A2ML1: variants seen among roughly 807,000 people sequenced by gnomAD.
A2ML1 encodes alpha-2-macroglobulin like 1.
In A2ML1, 161 loss-of-function variants were observed where a neutral mutation model predicts 181.9. The ratio of observed to expected loss-of-function variants is 0.89; its 90% CI spans 0.78 to 1.01. The LOEUF is 1.01. A2ML1 is among the 50% of genes least tolerant of loss of function. A2ML1 has a pLI of 0.00. For missense variants in A2ML1, 1,670 were observed against 1,768.1 expected, an observed-to-expected ratio of 0.94 and a Z score of 1.00; for synonymous variants, 663 against 666.8, an observed-to-expected ratio of 0.99 and a Z score of 0.09.
rs146207656 is a variant in A2ML1, at chr12:8,856,490, G to A, written c.2849-674G>A. Among the ~76,000 whole-genome samples, 273 of 152,324 alleles carry A rather than the reference G, an allele frequency of 1.8e-3. 2 individuals are homozygous for A. Among genetic ancestry groups the A allele is most frequent in the African/African-American group, 6.2e-3 (257 of 41,576 alleles). On this transcript the variant is annotated intron_variant, in intron 23 of 35. Coordinates refer to ENST00000299698, the MANE Select transcript of A2ML1 (RefSeq NM_144670.6). The stretch of plus-strand genomic sequence containing the variant: ...ATGCAGATGTTAATGAGTCACTTAT[G>A]TCAGGTTCACTGGCTTGGGAAGTAT...
chr12:8,837,708 C>A, intron 8 of A2ML1, 142 bp downstream of exon 8: 1 of 899,430 alleles, frequency 1.1e-6, no homozygotes, highest in Non-Finnish European at 1.5e-6. Context: ...GGGGAAACCC[C>A]GTCTCTATTA....
At chr12:8,839,044 C>G (rs756826036) in intron 9 of A2ML1, 69 bp from the exon 10 acceptor site, 10 of 1,089,930 alleles carry the variant, frequency 9.2e-6, no homozygotes, top group Non-Finnish European at 1.3e-5. Context: ...CTCTCAGAGA[C>G]TTGACATTAA....
rs1943248784 is a variant in A2ML1 at position 8,835,686 on chromosome 12, G to C, written c.643+20G>C. The C allele has an allele frequency of 6.2e-7, 1 of 1,613,676 alleles. No individual in the cohort carries two copies. Among genetic ancestry groups the C allele is most frequent in the Non-Finnish European group, 8.5e-7 (1 of 1,179,844 alleles). Reference sequence around the variant, plus strand: ...AATATGGTAGGTGGGGAAATGGACAGGCCAAAGTATTGGGCATAATCTCAT... The same window carrying C: ...AATATGGTAGGTGGGGAAATGGACACGCCAAAGTATTGGGCATAATCTCAT... On this transcript the variant is annotated intron_variant, in intron 6 of 35. Coordinates refer to ENST00000299698, the MANE Select transcript of A2ML1 (RefSeq NM_144670.6).
At chr12:8,849,530 T>G in intron 16 of A2ML1, 139 bp from the exon 17 acceptor site, 1 of 685,996 alleles carries the variant, frequency 1.5e-6, no homozygotes, top group Non-Finnish European at 2.5e-6. Context: ...TGGCTGAGTT[T>G]CAGGTAAGAA....
chr12:8,823,085 T>A, intron 1 of A2ML1, 97 bp from the exon 2 acceptor site: 1 of 1,246,042 alleles, frequency 8.0e-7, no homozygotes, highest in Non-Finnish European at 1.1e-6. Flanking sequence ...GCTTGGTCTG[T>A]CTAATTCACT....
chr12:8,834,878 A>G, intron 5 of A2ML1, 196 bp downstream of exon 5: 1 of 602,576 alleles, frequency 1.7e-6, no homozygotes, highest in Non-Finnish European at 2.9e-6. Context: ...TCACACCTAC[A>G]TTTCAGTAGA....
chr12:8,858,019 G>C lies in A2ML1; in HGVS notation c.3181G>C (p.Asp1061His). ...FIFIDPKNIQDALKWMAGNQL... is the reference protein window; with the variant it reads ...FIFIDPKNIQHALKWMAGNQL... ...CTTCATTGATCCCAAGAACATCCAG[G>C]ATGCTCTCAAGTGGATGGCAGGAAA... Residue 1061 changes from aspartate (D) to histidine (H), a missense_variant, in exon 26 of 36, where the codon GAT becomes CAT. By Grantham distance (81) the Asp-to-His change is moderately conservative. Coordinates refer to ENST00000299698, the MANE Select transcript of A2ML1 (RefSeq NM_144670.6). The C allele has an allele frequency of 6.2e-7, 1 of 1,614,146 alleles. No homozygotes were observed. The highest frequency in any genetic ancestry group is 8.5e-7 in the Non-Finnish European group (1 of 1,180,044).
chr12:8,848,822 A>G lies in A2ML1; in HGVS notation c.1936A>G (p.Ile646Val), dbSNP rs1434253537. Residue 646 changes from isoleucine (I) to valine (V), a missense_variant, in exon 16 of 36, where the codon ATT becomes GTT. Ile to Val is a conservative substitution (Grantham distance 29). Transcript: ENST00000299698. ...SGPWDFPQPL[I>V]DPMPQGHSSQ... is the part of the protein sequence containing the mutation. ...CCCATGGGACTTTCCTCAGCCCCTC[A>G]TTGACCCAATGCCCCAAGGGCATTC... 1 of 1,613,998 alleles carries G rather than the reference A, an allele frequency of 6.2e-7. No individual in the cohort carries two copies. The highest frequency in any genetic ancestry group is 8.5e-7 in the Non-Finnish European group (1 of 1,180,030).
At chr12:8,838,732 G>GC (rs749594525) in intron 9 of A2ML1, among the ~76,000 whole-genome samples, 4 of 151,950 alleles carry the variant, frequency 2.6e-5, no homozygotes, top group Non-Finnish European at 5.9e-5. Context: ...CTAACACGGT[G>GC]AAACCCTGTC....
At position 8,849,686 on chromosome 12, in the gene A2ML1, A is replaced by G. The variant is rs1943821434; in HGVS notation, c.2046A>G (p.Ile682Met). Residue 682 changes from isoleucine (I) to methionine (M), a missense_variant, in exon 17 of 36, where the codon ATA (isoleucine) becomes ATG (methionine). Physicochemically the swap from Ile to Met is conservative, Grantham distance 10 (BLOSUM62 1). Transcript: ENST00000299698. ...CCTATCAGGACGTGGGCCTGAAAAT[A>G]CTGTCCAATGCCAAAATCAAGAAGC... ...FSFFRDVGLK[I>M]LSNAKIKKPV... The G allele has an allele frequency of 6.2e-7, 1 of 1,614,076 alleles. No homozygotes were observed. The highest frequency in any genetic ancestry group is 8.5e-7 in the Non-Finnish European group (1 of 1,180,022).
At position 8,856,266 on chromosome 12, in the gene A2ML1, G is replaced by C. The variant is rs189538025; in HGVS notation, c.2848+674G>C. 1.4e-4 allele frequency among the ~76,000 whole-genome samples: 21 copies of C among 152,226 alleles called. 1 individual carries two copies. The East Asian group carries it at 2.9e-3, about 21-fold the overall frequency. On this transcript the variant is annotated intron_variant, in intron 23 of 35. Transcript: ENST00000299698. ...TTTGCAGTCACAGTGTCTCTGTTTT[G>C]TCTATTTTATTCGTAAGTCTGACAT...
At chr12:8,836,641 G>A (rs747801719) in intron 7 of A2ML1, among the ~76,000 whole-genome samples, 5 of 151,914 alleles carry the variant, frequency 3.3e-5, no homozygotes, top group Non-Finnish European at 7.4e-5. Context: ...GCGCCACCAT[G>A]CCTGGCTAAT....
chr12:8,835,356 C>T, intron 5 of A2ML1, 151 bp from the exon 6 acceptor site: 1 of 796,898 alleles, frequency 1.3e-6, no homozygotes. Flanking sequence ...TTATAAATAA[C>T]ACAGGGAGCT....
intron 4 of A2ML1, 32 bp downstream of exon 4, chr12:8,829,811 G>A (rs772653207): frequency 6.2e-7 from 1 of 1,612,944 alleles, no homozygotes; most frequent in Non-Finnish European, 8.5e-7. Flanking sequence ...GAGTGGCGCA[G>A]GGAGAACAGG....
Position 8,863,805 on chromosome 12 carries a change from T to A in A2ML1, c.3514T>A (p.Tyr1172Asn), listed in dbSNP as rs766901741. 6.2e-7 allele frequency: 1 copy of A among 1,614,104 alleles called. No homozygotes were observed. Among genetic ancestry groups the A allele is most frequent in the Non-Finnish European group, 8.5e-7 (1 of 1,180,024 alleles). The change falls in exon 29 of 36, where the codon TAC becomes AAC. Residue 1172 changes from tyrosine to asparagine, a missense_variant. Transcript: ENST00000299698. ...QQAIISGESI[Y>N]WSQKPTPSSN... The stretch of plus-strand genomic sequence containing the variant: ...TTCTTTTTCCATAGGAGAATCCATT[T>A]ACTGGAGCCAGAAACCTACTCCATC...
intron 7 of A2ML1, 57 bp downstream of exon 7, chr12:8,836,396 G>A: frequency 6.8e-7 from 1 of 1,478,832 alleles, no homozygotes; most frequent in Non-Finnish European, 9.4e-7. Flanking sequence ...GAGACATGAT[G>A]AGGGGATGAC....
rs376436103 is a variant in A2ML1, at chr12:8,867,878, G to A, written c.3754G>A (p.Ala1252Thr). ...VVALQALAKY[A>T]TTAYMPSEEI... ...TGCTCTCCAAGCTCTTGCCAAATATGCCACTACCGCCTACATGCCATCTGA... is the reference window on the plus strand; with the variant it reads ...TGCTCTCCAAGCTCTTGCCAAATATACCACTACCGCCTACATGCCATCTGA... The change falls in exon 30 of 36, where the codon GCC becomes ACC. Residue 1252 changes from alanine to threonine, a missense_variant. Coordinates refer to ENST00000299698, the MANE Select transcript of A2ML1 (RefSeq NM_144670.6). 4 of 1,614,078 alleles carry A rather than the reference G, an allele frequency of 2.5e-6. No homozygotes were observed. In the African/African-American group the frequency reaches 5.3e-5, roughly 22 times the overall value.
intron 3 of A2ML1, among the ~76,000 whole-genome samples, chr12:8,824,474 T>TATC (rs1942863217): frequency 6.6e-6 from 1 of 152,082 alleles, no homozygotes; most frequent in South Asian, 2.1e-4. Flanking sequence ...CTCAAGCATT[T>TATC]ATCATTTCCT....
At chr12:8,848,672 T>A in intron 15 of A2ML1, 48 bp from the exon 16 acceptor site, 1 of 1,468,608 alleles carries the variant, frequency 6.8e-7, no homozygotes, top group Non-Finnish European at 9.1e-7. Context: ...GTTTCTCAAC[T>A]GATATCACTA....
Sources: gnomAD v4.1 joint callset for allele counts (sites outside exome capture counted in the v4.1 genomes callset) on GRCh38, gnomAD v4.1.1 for gene constraint, MANE v1.5 for transcripts, NCBI Gene and HGNC (gene_info 2026-07-23, HGNC 2026-07-21) for gene names.